Variants in CACTIN observed in about 807,000 individuals in gnomAD.
CACTIN encodes splicing factor Cactin.
A neutral mutation model predicts 84.9 loss-of-function variants in CACTIN; 20 were observed. The ratio of observed to expected loss-of-function variants is 0.24; its 90% CI spans 0.17 to 0.34. The LOEUF is 0.34. CACTIN is among the 10% of genes least tolerant of loss of function. CACTIN has a pLI of 1.00. For missense variants in CACTIN, 897 were observed against 1,117.2 expected, an observed-to-expected ratio of 0.80 and a Z score of 2.81; for synonymous variants, 549 against 467.9, an observed-to-expected ratio of 1.17 and a Z score of -2.24.
chr19:3,620,387 T>C (rs2033198354), intron 3 of CACTIN, 115 bp from the exon 4 acceptor site: 7 of 1,200,200 alleles, frequency 5.8e-6, no homozygotes, highest in Non-Finnish European at 8.3e-6. Flanking sequence ...GCACAGGGAT[T>C]GGTCCGGAGA....
chr19:3,624,020 G>A lies in CACTIN; in HGVS notation c.310C>T (p.Arg104Trp), dbSNP rs775728869. The change falls in exon 2 of 10, where the codon CGG becomes TGG. Residue 104 changes from arginine to tryptophan, a missense_variant. This residue lies in a region of CACTIN where 261 missense variants were observed against 243.8 expected (regional missense o/e 1.07). Transcript: ENST00000429344. ...CTAGGAGACCACGAGCGTGCGCGCC[G>A]TCGCCGGCGAGCCCACTGGCCCCGT... ...QSRGQWARRR[R>W]RARSWSPSSS... 25 of 1,605,318 alleles carry A rather than the reference G, an allele frequency of 1.6e-5. No individual in the cohort carries two copies. The highest frequency in any genetic ancestry group is 1.0e-4 in the Admixed American group (6 of 59,962).
rs757269633 is a variant in CACTIN, at chr19:3,614,609, TG to T, written c.1163-21del. ...GCTCACCTGCAGCGGGGTGGGGGCATGGGGGGGCGGTTCCACATTTCCTACG... is the reference window on the plus strand; with the variant it reads ...GCTCACCTGCAGCGGGGTGGGGGCATGGGGGGCGGTTCCACATTTCCTACG... On this transcript the variant is annotated intron_variant, in intron 6 of 9. Transcript: ENST00000429344. The T allele has an allele frequency of 1.2e-5, 19 of 1,577,470 alleles. No homozygotes were observed. The highest frequency in any genetic ancestry group is 2.3e-5 in the South Asian group (2 of 86,630).
intron 6 of CACTIN, 128 bp from the exon 7 acceptor site, chr19:3,614,717 C>T (rs2033066822): frequency 2.8e-6 from 2 of 722,524 alleles, no homozygotes; most frequent in South Asian, 3.3e-5. Flanking sequence ...GGGTCCCATC[C>T]AGTCCCGCCA....
At chr19:3,614,969 G>T in intron 6 of CACTIN, 1 of 350,818 alleles carries the variant, frequency 2.9e-6, no homozygotes, top group Non-Finnish European at 5.5e-6. Context: ...CCTGGCCTTG[G>T]GCAGTCCATG....
chr19:3,625,705 C>T (rs1443729160), intron 1 of CACTIN, among the ~76,000 whole-genome samples: 1 of 152,306 alleles, frequency 6.6e-6, no homozygotes, highest in South Asian at 2.1e-4. Context: ...CCAGCCTGGG[C>T]GACAGAGCAA....
At chr19:3,622,021 A>C (rs1327302631) in intron 2 of CACTIN, among the ~76,000 whole-genome samples, 1 of 152,106 alleles carries the variant, frequency 6.6e-6, no homozygotes, top group East Asian at 1.9e-4. Flanking sequence ...TGTGTCCCCC[A>C]CAGGCACATC....
intron 9 of CACTIN, 24 bp from the exon 10 acceptor site, chr19:3,612,437 C>T (rs1299537846): frequency 1.5e-5 from 24 of 1,553,010 alleles, no homozygotes; most frequent in African/African-American, 4.0e-5. Context: ...GGCGTTCACC[C>T]GGGCCTCGGC....
At chr19:3,620,444 C>T (rs1428909416) in intron 3 of CACTIN, 172 bp from the exon 4 acceptor site, 1 of 816,912 alleles carries the variant, frequency 1.2e-6, no homozygotes, top group Non-Finnish European at 2.0e-6. Flanking sequence ...GGCCCTCCTG[C>T]CCGAGACTCA....
intron 2 of CACTIN, among the ~76,000 whole-genome samples, chr19:3,621,836 C>A (rs1396712179): frequency 6.6e-6 from 1 of 152,166 alleles, no homozygotes; most frequent in Non-Finnish European, 1.5e-5. Flanking sequence ...AGGGGCGCGG[C>A]AGTGTGAGGG....
In CACTIN at chr19:3,624,168, G is replaced by T; in HGVS notation, c.168-6C>A. Reference sequence around the variant, plus strand: ...GCTCTTCCTCTGAATCTGACCTGCGGAGAGGACCATGGATGCCTGCTCAGT... The same window carrying T: ...GCTCTTCCTCTGAATCTGACCTGCGTAGAGGACCATGGATGCCTGCTCAGT... On this transcript the variant is annotated splice_polypyrimidine_tract_variant and splice_region_variant and intron_variant, in intron 1 of 9. Coordinates refer to ENST00000429344, the MANE Select transcript of CACTIN (RefSeq NM_001080543.2). 1 of 1,548,030 alleles carries T rather than the reference G, an allele frequency of 6.5e-7. No homozygotes were observed. Among genetic ancestry groups the T allele is most frequent in the Non-Finnish European group, 8.7e-7 (1 of 1,149,472 alleles).
At chr19:3,626,456 G>T (rs935562479) in intron 1 of CACTIN, 140 bp downstream of exon 1, 25 of 978,448 alleles carry the variant, frequency 2.6e-5, no homozygotes, top group Middle Eastern at 3.4e-4. Context: ...AATTCCAACC[G>T]GTGGTCAATT....
At chr19:3,623,544 T>C (rs968458611) in intron 2 of CACTIN, 144 bp downstream of exon 2, 29 of 702,046 alleles carry the variant, frequency 4.1e-5, no homozygotes, top group Non-Finnish European at 5.4e-5. Flanking sequence ...AGAAAGCTGA[T>C]AGCGGCAGAA....
At chr19:3,618,528 G>A (rs911565819) in intron 6 of CACTIN, among the ~76,000 whole-genome samples, 1 of 152,264 alleles carries the variant, frequency 6.6e-6, no homozygotes, top group Non-Finnish European at 1.5e-5. Context: ...CTTCAGGCCA[G>A]GTGGAGCGAG....
rs562182960 is a variant in CACTIN at position 3,611,837 on chromosome 19, G to A, written c.*86C>T. 20 of 1,529,050 alleles carry A rather than the reference G, an allele frequency of 1.3e-5. No individual in the cohort carries two copies. The South Asian group carries it at 1.8e-4, about 13-fold the overall frequency. 94.7% of individuals were successfully genotyped at this position (1,529,050 alleles called of 1,614,324 possible). On this transcript the variant is annotated 3_prime_UTR_variant, in exon 10 of 10. Coordinates refer to ENST00000429344, the MANE Select transcript of CACTIN (RefSeq NM_001080543.2). The stretch of plus-strand genomic sequence containing the variant: ...CGTGAACCCGCGGCCCTGCAGCCCA[G>A]ACAGCGGCCCCGGAGTGACCACCAG...
Position 3,611,694 on chromosome 19 carries a change from C to T in CACTIN, c.*229G>A, listed in dbSNP as rs990577343. On this transcript the variant is annotated 3_prime_UTR_variant, in exon 10 of 10. Coordinates refer to ENST00000429344, the MANE Select transcript of CACTIN (RefSeq NM_001080543.2). ...AGCGCCCCCTCCGTTGCATCAGGAC[C>T]CTAGGCCAGCCTGTCCCAGTGTCTC... 19 of 618,462 alleles carry T rather than the reference C, an allele frequency of 3.1e-5. No individual in the cohort carries two copies. The highest frequency in any genetic ancestry group is 2.6e-4 in the Middle Eastern group (1 of 3,900). 38.3% of individuals were successfully genotyped at this position (618,462 alleles called of 1,614,324 possible).
rs771432916 is a variant in CACTIN at position 3,626,730 on chromosome 19, G to A, written c.33C>T (p.Ser11=). The change falls in exon 1 of 10, where the codon TCC becomes TCT. Residue 11 remains serine (S), a synonymous_variant. Coordinates refer to ENST00000429344, the MANE Select transcript of CACTIN (RefSeq NM_001080543.2). ...GCCGCCTTCGGCCCCGGCGACCCGC[G>A]GACCGCGAGCGCGAGCGTGTGTCCC... MGRDTRSRSR[S]AGRRGRRRQS... 8.7e-6 allele frequency: 13 copies of A among 1,491,994 alleles called. No homozygotes were observed. The highest frequency in any genetic ancestry group is 2.2e-5 in the Admixed American group (1 of 46,484). 92.4% of individuals were successfully genotyped at this position (1,491,994 alleles called of 1,614,324 possible).
Position 3,611,696 on chromosome 19 carries a change from T to C in CACTIN, c.*227A>G. On this transcript the variant is annotated 3_prime_UTR_variant, in exon 10 of 10. Transcript: ENST00000429344. ...CGCCCCCTCCGTTGCATCAGGACCC[T>C]AGGCCAGCCTGTCCCAGTGTCTCCT... 1.6e-6 allele frequency: 1 copy of C among 623,624 alleles called. No homozygotes were observed. Among genetic ancestry groups the C allele is most frequent in the Non-Finnish European group, 2.8e-6 (1 of 355,398 alleles). The allele number at this position is 623,624 out of a possible 1,614,324, so 38.6% of individuals were successfully genotyped here.
intron 6 of CACTIN, chr19:3,614,986 T>C (rs929655757): frequency 6.7e-6 from 2 of 299,190 alleles, no homozygotes; most frequent in Non-Finnish European, 1.3e-5. Flanking sequence ...CATGAGGGGG[T>C]TGGGGGGTGT....
chr19:3,621,491 C>T (rs1413712125), intron 2 of CACTIN, among the ~76,000 whole-genome samples: 2 of 152,210 alleles, frequency 1.3e-5, no homozygotes, highest in African/African-American at 4.8e-5. Context: ...AACTTGCCTC[C>T]AGGGACACAG....
Sources: gnomAD v4.1 joint callset for allele counts (sites outside exome capture counted in the v4.1 genomes callset) on GRCh38, gnomAD v4.1.1 for gene constraint, gnomAD v4.1.1 regional missense constraint, MANE v1.5 for transcripts, NCBI Gene and HGNC (gene_info 2026-07-23, HGNC 2026-07-21) for gene names.